The following CCNY variants were observed in gnomAD, a reference collection of about 807,000 sequenced individuals.
CCNY encodes cyclin-Y.
Under a neutral mutation model 42.8 loss-of-function variants are expected in CCNY, and 19 were observed. That is an observed-to-expected ratio of 0.44 (90% CI 0.31 to 0.65). The LOEUF (loss-of-function observed/expected upper bound fraction) is 0.65. Ranked by LOEUF, CCNY falls within the 30% of genes least tolerant of loss-of-function variation. CCNY has a pLI of 0.07. For missense variants in CCNY, 370 were observed against 437.3 expected, an observed-to-expected ratio of 0.85 and a Z score of 1.37; for synonymous variants, 165 against 162.7, an observed-to-expected ratio of 1.01 and a Z score of -0.11.
chr10:35,416,620 A>G (rs146285905), intron 1 of CCNY, among the ~76,000 whole-genome samples: 2 of 152,314 alleles, frequency 1.3e-5, no homozygotes, highest in East Asian at 1.9e-4. Flanking sequence ...ATAGAACAAA[A>G]GATTTCCTGT....
At chr10:35,282,918 C>A (rs762625207) in intron 3 of CCNY, among the ~76,000 whole-genome samples, 1 of 151,994 alleles carries the variant, frequency 6.6e-6, no homozygotes, top group East Asian at 1.9e-4. Flanking sequence ...AAGCTTAGTG[C>A]GCCCGAGAGA....
chr10:35,317,819 T>C (rs144406899), intron 3 of CCNY, among the ~76,000 whole-genome samples: 2 of 152,264 alleles, frequency 1.3e-5, no homozygotes, highest in East Asian at 3.9e-4. Flanking sequence ...TGAGCACCGT[T>C]TGGAGGAAGC....
intron 3 of CCNY, among the ~76,000 whole-genome samples, chr10:35,510,839 A>G (rs951152121): frequency 6.6e-6 from 1 of 152,198 alleles, no homozygotes; most frequent in African/African-American, 2.4e-5. Flanking sequence ...GGGACAAACT[A>G]CGGCTGTCCT....
chr10:35,460,451 TACAC>T (rs57760757), intron 1 of CCNY, among the ~76,000 whole-genome samples: 1 of 150,754 alleles, frequency 6.6e-6, no homozygotes, highest in East Asian at 1.9e-4. Flanking sequence ...ATTGTATATG[TACAC>T]ACACACACAC....
chr10:35,257,514 G>A (rs1565054314), intron 3 of CCNY, among the ~76,000 whole-genome samples: 1 of 152,064 alleles, frequency 6.6e-6, no homozygotes, highest in Non-Finnish European at 1.5e-5. Context: ...CCAAATGCAA[G>A]ATTCTTGCTG....
At chr10:35,479,963 T>C (rs1839628443) in intron 1 of CCNY, among the ~76,000 whole-genome samples, 1 of 152,116 alleles carries the variant, frequency 6.6e-6, no homozygotes, top group Admixed American at 6.5e-5. Flanking sequence ...AGGTTCATTT[T>C]GCTTGGCTTC....
At chr10:35,518,741 A>G (rs1451180139) in intron 4 of CCNY, among the ~76,000 whole-genome samples, 2 of 142,204 alleles carry the variant, frequency 1.4e-5, no homozygotes, top group African/African-American at 5.7e-5. Flanking sequence ...GCTGAGGCAT[A>G]CTGTGGGTAT....
At chr10:35,395,959 T>TA (rs1837515645) in intron 1 of CCNY, among the ~76,000 whole-genome samples, 1 of 151,932 alleles carries the variant, frequency 6.6e-6, no homozygotes, top group Non-Finnish European at 1.5e-5. Flanking sequence ...GTGGGGTGCA[T>TA]AGGGCCCCCG....
At chr10:35,411,589 A>G (rs1837906864) in intron 1 of CCNY, among the ~76,000 whole-genome samples, 1 of 152,008 alleles carries the variant, frequency 6.6e-6, no homozygotes, top group African/African-American at 2.4e-5. Flanking sequence ...GAGGCTCTAC[A>G]ATACAATACC....
At chr10:35,489,128 C>G (rs1383628327) in intron 2 of CCNY, among the ~76,000 whole-genome samples, 1 of 152,116 alleles carries the variant, frequency 6.6e-6, no homozygotes, top group African/African-American at 2.4e-5. Context: ...ATACAAAAAA[C>G]TAACTGGGCG....
intron 3 of CCNY, among the ~76,000 whole-genome samples, chr10:35,304,186 A>G (rs934546886): frequency 1.3e-5 from 2 of 152,142 alleles, no homozygotes; most frequent in African/African-American, 4.8e-5. Context: ...GGTGACAGGT[A>G]GGTTAGAAAT....
chr10:35,374,974 A>G (rs928212993), intron 1 of CCNY, among the ~76,000 whole-genome samples: 1 of 152,220 alleles, frequency 6.6e-6, no homozygotes, highest in Non-Finnish European at 1.5e-5. Context: ...GAAGTTGACA[A>G]TCTCAAGGGA....
At chr10:35,332,135 C>T (rs1233921838), upstream of CCNY, among the ~76,000 whole-genome samples, 4 of 152,256 alleles carry the variant, frequency 2.6e-5, no homozygotes, top group Admixed American at 6.5e-5. Context: ...GAGAGGAGGT[C>T]GGTGACAGGA....
In CCNY at chr10:35,479,002, A is replaced by T. The variant is rs560347603; in HGVS notation, c.155-4402A>T. 4.6e-4 allele frequency among the ~76,000 whole-genome samples: 70 copies of T among 152,362 alleles called. 1 individual carries two copies. The highest frequency in any genetic ancestry group is 8.8e-5 in the Non-Finnish European group (6 of 68,038). ...TTTATGCAGCCAAAAAACACGTGAA[A>T]AAATGCTCACCATCACTGGCCATCA... On this transcript the variant is annotated intron_variant, in intron 1 of 9. Transcript: ENST00000374704.
chr10:35,296,682 T>G (rs997860259), intron 3 of CCNY, among the ~76,000 whole-genome samples: 1 of 152,124 alleles, frequency 6.6e-6, no homozygotes, highest in African/African-American at 2.4e-5. Context: ...AAAAACCCTA[T>G]GCACACAAAC....
intron 1 of CCNY, among the ~76,000 whole-genome samples, chr10:35,427,966 A>G (rs1042585986): frequency 6.6e-6 from 1 of 152,184 alleles, no homozygotes; most frequent in Non-Finnish European, 1.5e-5. Flanking sequence ...CCTTCTGTTA[A>G]GTACCAGCTA....
chr10:35,562,452 T>C (rs1455323040), intron 8 of CCNY, among the ~76,000 whole-genome samples: 1 of 152,232 alleles, frequency 6.6e-6, no homozygotes, highest in Non-Finnish European at 1.5e-5. Context: ...ACTCTCCCCC[T>C]GTTAAACACT....
At chr10:35,328,574 A>G (rs1019070918) in intron 3 of CCNY, among the ~76,000 whole-genome samples, 5 of 152,356 alleles carry the variant, frequency 3.3e-5, no homozygotes, top group African/African-American at 1.2e-4. Flanking sequence ...CTGAGTGTAT[A>G]TAATGAGGTT....
At chr10:35,428,719 G>A (rs1297571969) in intron 1 of CCNY, among the ~76,000 whole-genome samples, 1 of 152,116 alleles carries the variant, frequency 6.6e-6, no homozygotes, top group Non-Finnish European at 1.5e-5. Flanking sequence ...CTAGGTGGAA[G>A]ATGGTGGAAG....
Sources: allele counts gnomAD v4.1 joint callset (sites outside exome capture counted in the v4.1 genomes callset), GRCh38; gene constraint gnomAD v4.1.1; transcripts MANE v1.5; gene names NCBI Gene and HGNC (gene_info 2026-07-23, HGNC 2026-07-21).